Variants in DNAJA4 observed in about 807,000 individuals in gnomAD.
The protein encoded by DNAJA4 is DnaJ heat shock protein family (Hsp40) member A4, also known as dnaJ homolog subfamily A member 4.
Under a neutral mutation model 39.7 loss-of-function variants are expected in DNAJA4, and 32 were observed. The ratio of observed to expected loss-of-function variants is 0.81; its 90% CI spans 0.61 to 1.08. The LOEUF (loss-of-function observed/expected upper bound fraction) is 1.08, where lower values mean the gene tolerates loss of function less well. Ranked by LOEUF, DNAJA4 falls within the 50% of genes least tolerant of loss-of-function variation. The pLI is 0.00. For missense variants in DNAJA4, 439 were observed against 505.1 expected, an observed-to-expected ratio of 0.87 and a Z score of 1.25; for synonymous variants, 184 against 182.4, an observed-to-expected ratio of 1.01 and a Z score of -0.07.
rs1044205282 is a variant in DNAJA4, at chr15:78,281,352, G to T, written c.*892G>T. 1 of 152,656 alleles carries T rather than the reference G, an allele frequency of 6.6e-6. No individual in the cohort carries two copies. Among genetic ancestry groups the T allele is most frequent in the Non-Finnish European group, 1.5e-5 (1 of 68,056 alleles). 9.5% of individuals were successfully genotyped at this position (152,656 alleles called of 1,614,324 possible). A position where few individuals can be genotyped will look rare whatever the true frequency, so the allele number is the denominator to read the frequency against. The stretch of plus-strand genomic sequence containing the variant: ...GGCCCATGGCACAGCCAGCTTCTCT[G>T]ACCAGTAATCCGGGGTGACTTGAGG... On this transcript the variant is annotated 3_prime_UTR_variant, in exon 7 of 7. Transcript: ENST00000394852.
At chr15:78,273,532 AC>A (rs1445195866) in intron 3 of DNAJA4, among the ~76,000 whole-genome samples, 1 of 152,250 alleles carries the variant, frequency 6.6e-6, no homozygotes, top group Non-Finnish European at 1.5e-5. Context: ...AAAATCAGAC[AC>A]TTGACCTCAT....
At chr15:78,270,273 G>A (rs891859820) in intron 1 of DNAJA4, 54 of 472,476 alleles carry the variant, frequency 1.1e-4, no homozygotes, top group Non-Finnish European at 1.4e-4. Flanking sequence ...TATTCTTATC[G>A]TGTCCCTACC....
rs1293144683 is a variant in DNAJA4, at chr15:78,264,909, C to T, written c.132+14C>T. The T allele has an allele frequency of 6.3e-7, 1 of 1,576,974 alleles. No homozygotes were observed. Among genetic ancestry groups the T allele is most frequent in the Non-Finnish European group, 8.6e-7 (1 of 1,160,328 alleles). On this transcript the variant is annotated intron_variant, in intron 1 of 6. Coordinates refer to ENST00000394852, the MANE Select transcript of DNAJA4 (RefSeq NM_001130182.2). ...GAGGGCGAGAAGGTGCGGGGCGGCGCGGGGCACGGGCCGGGCTCCCGAGGG... is the reference window on the plus strand; with the variant it reads ...GAGGGCGAGAAGGTGCGGGGCGGCGTGGGGCACGGGCCGGGCTCCCGAGGG...
At chr15:78,264,412 C>T, upstream of DNAJA4, 3 of 1,369,746 alleles carry the variant, frequency 2.2e-6, no homozygotes, top group Non-Finnish European at 2.8e-6. Context: ...CTGGGCCGCG[C>T]CGGACGGGCG....
rs1251856091 is a variant in DNAJA4 at position 78,279,561 on chromosome 15, G to C, written c.878-484G>C. On this transcript the variant is annotated intron_variant, in intron 5 of 6. Transcript: ENST00000394852. This position sits in a 1 kb window ranked among gnomAD's most constrained non-coding sequence, Gnocchi z 4.5. Reference sequence around the variant, plus strand: ...AGCCACCTAGTGAGCTCCCTACCAAGGAACCTGGGTGTCACCTGCAGGTGG... The same window carrying C: ...AGCCACCTAGTGAGCTCCCTACCAACGAACCTGGGTGTCACCTGCAGGTGG... 3 of 164,276 alleles carry C rather than the reference G, an allele frequency of 1.8e-5. No homozygotes were observed. Among genetic ancestry groups the C allele is most frequent in the African/African-American group, 7.2e-5 (3 of 41,668 alleles). 10.2% of individuals were successfully genotyped at this position (164,276 alleles called of 1,614,324 possible).
intron 2 of DNAJA4, among the ~76,000 whole-genome samples, chr15:78,272,044 C>T (rs900042186): frequency 7.9e-5 from 12 of 152,144 alleles, no homozygotes; most frequent in African/African-American, 1.9e-4. Context: ...TTGAGCATAT[C>T]GCCTGCTCCT....
Position 78,270,675 on chromosome 15 carries a change from G to A in DNAJA4, c.311G>A (p.Arg104Lys). 6.2e-7 allele frequency: 1 copy of A among 1,612,432 alleles called. No homozygotes were observed. Among genetic ancestry groups the A allele is most frequent in the Non-Finnish European group, 8.5e-7 (1 of 1,179,410 alleles). ...GGGGRMARER[R>K]GKNVVHQLSV... Reference sequence around the variant, plus strand: ...GGTGGACGGATGGCTAGAGAGAGAAGAGGTAAATGCTTTTAAAGAAACATA... The same window carrying A: ...GGTGGACGGATGGCTAGAGAGAGAAAAGGTAAATGCTTTTAAAGAAACATA... The change falls in exon 2 of 7, where the codon AGA becomes AAA. Residue 104 changes from arginine to lysine, a missense_variant and splice_region_variant. Coordinates refer to ENST00000394852, the MANE Select transcript of DNAJA4 (RefSeq NM_001130182.2).
Position 78,275,590 on chromosome 15 carries a change from A to C in DNAJA4, c.739A>C (p.Lys247Gln). The C allele has an allele frequency of 6.2e-7, 1 of 1,614,178 alleles. No individual in the cohort carries two copies. The highest frequency in any genetic ancestry group is 8.5e-7 in the Non-Finnish European group (1 of 1,180,000). The change falls in exon 5 of 7, where the codon AAG becomes CAG. Residue 247 changes from lysine (K) to glutamine (Q), a missense_variant. Lys to Gln is a moderately conservative substitution (Grantham distance 53). Transcript: ENST00000394852. Reference sequence around the variant, plus strand: ...TGATGTCATAATTGTGCTTGATCAGAAGGATCATAGTGTCTTTCAGAGACG... The same window carrying C: ...TGATGTCATAATTGTGCTTGATCAGCAGGATCATAGTGTCTTTCAGAGACG... Reference protein sequence around the residue: ...PGDVIIVLDQKDHSVFQRRGH... With the variant: ...PGDVIIVLDQQDHSVFQRRGH...
At chr15:78,270,775 G>A (rs2049272990) in intron 2 of DNAJA4, 98 bp downstream of exon 2, 10 of 1,347,360 alleles carry the variant, frequency 7.4e-6, no homozygotes, top group Admixed American at 2.3e-5. Flanking sequence ...GGATATGATT[G>A]GGCCAGGCGC....
intron 3 of DNAJA4, among the ~76,000 whole-genome samples, chr15:78,273,871 C>A (rs114521414): frequency 1.3e-5 from 2 of 152,138 alleles, no homozygotes; most frequent in Admixed American, 1.3e-4. Context: ...TTGTCTAGAT[C>A]GCCACAGCCC....
At chr15:78,266,421 G>C in intron 1 of DNAJA4, 1 of 779,102 alleles carries the variant, frequency 1.3e-6, no homozygotes, top group Non-Finnish European at 2.0e-6. Flanking sequence ...TACCTGTCTG[G>C]GCAGGTTGTT....
In DNAJA4 at chr15:78,277,885, C is replaced by T. The variant is rs946424956; in HGVS notation, c.877+2157C>T. 6.4e-5 allele frequency: 23 copies of T among 360,650 alleles called. 1 individual carries two copies. Among genetic ancestry groups the T allele is most frequent in the South Asian group, 3.9e-4 (18 of 46,452 alleles). 22.3% of individuals were successfully genotyped at this position (360,650 alleles called of 1,614,324 possible). A position where few individuals can be genotyped will look rare whatever the true frequency, so the allele number is the denominator to read the frequency against. On this transcript the variant is annotated intron_variant, in intron 5 of 6. Coordinates refer to ENST00000394852, the MANE Select transcript of DNAJA4 (RefSeq NM_001130182.2). ...AGGGTGGAGCATCCAGGAAACCTGC[C>T]GTTGGAGAGTTCTTTGGGGATTTGT...
intron 2 of DNAJA4, among the ~76,000 whole-genome samples, chr15:78,271,488 G>C (rs1282044153): frequency 6.6e-6 from 1 of 152,144 alleles, no homozygotes; most frequent in East Asian, 1.9e-4. Context: ...CCTGCTCAGG[G>C]GATTTTCTAG....
intron 1 of DNAJA4, among the ~76,000 whole-genome samples, chr15:78,265,317 GT>G (rs1209390229): frequency 6.6e-6 from 1 of 152,212 alleles, no homozygotes. Context: ...CATATTCTCT[GT>G]TGATGCATAA....
At chr15:78,266,385 C>A in intron 1 of DNAJA4, 1 of 1,148,764 alleles carries the variant, frequency 8.7e-7, no homozygotes, top group Non-Finnish European at 1.3e-6. Context: ...ACCTGTACTA[C>A]ATATGTGTAG....
At chr15:78,266,430 T>G (rs887442031) in intron 1 of DNAJA4, 2 of 714,484 alleles carry the variant, frequency 2.8e-6, no homozygotes, top group Non-Finnish European at 4.5e-6. Flanking sequence ...GGGCAGGTTG[T>G]TTGGTTTGTT....
At position 78,280,531 on chromosome 15, in the gene DNAJA4, C is replaced by A; in HGVS notation, c.*71C>A. On this transcript the variant is annotated 3_prime_UTR_variant, in exon 7 of 7. Transcript: ENST00000394852. ...TGTAAAGTTGGCACAATGAAAATGACATCGCTTTAATGGCCTTGTGTTTGG... is the reference window on the plus strand; with the variant it reads ...TGTAAAGTTGGCACAATGAAAATGAAATCGCTTTAATGGCCTTGTGTTTGG... 1.5e-6 allele frequency: 2 copies of A among 1,334,464 alleles called. No homozygotes were observed. Among genetic ancestry groups the A allele is most frequent in the South Asian group, 1.4e-5 (1 of 72,940 alleles). The allele number at this position is 1,334,464 out of a possible 1,614,324, so 82.7% of individuals were successfully genotyped here.
At position 78,275,773 on chromosome 15, in the gene DNAJA4, C is replaced by T. The variant is rs762919789; in HGVS notation, c.877+45C>T. 4.3e-6 allele frequency: 6 copies of T among 1,400,216 alleles called. No homozygotes were observed. The Admixed American group carries it at 5.9e-5, about 14-fold the overall frequency. The allele number at this position is 1,400,216 out of a possible 1,614,324, so 86.7% of individuals were successfully genotyped here. On this transcript the variant is annotated intron_variant, in intron 5 of 6. Coordinates refer to ENST00000394852, the MANE Select transcript of DNAJA4 (RefSeq NM_001130182.2). ...TTCCATTGATGTTCTGTATGTTTGGCATAATAATTCTGGCAAGTTAGCCTG... is the reference window on the plus strand; with the variant it reads ...TTCCATTGATGTTCTGTATGTTTGGTATAATAATTCTGGCAAGTTAGCCTG...
chr15:78,273,007 C>T (rs907586277), intron 2 of DNAJA4, 88 bp from the exon 3 acceptor site: 2 of 794,758 alleles, frequency 2.5e-6, no homozygotes, highest in Non-Finnish European at 4.3e-6. Flanking sequence ...TCTCTGGAGA[C>T]TTCATACAAC....
Sources: allele counts gnomAD v4.1 joint callset (sites outside exome capture counted in the v4.1 genomes callset), GRCh38; gene constraint gnomAD v4.1.1; non-coding constraint Gnocchi (gnomAD v3.1); transcripts MANE v1.5; gene names NCBI Gene and HGNC (gene_info 2026-07-23, HGNC 2026-07-21).